PAX5: variants seen among roughly 807,000 people sequenced by gnomAD.
The protein encoded by PAX5 is paired box 5, also known as paired box protein Pax-5.
In PAX5, 9 loss-of-function variants were observed where a neutral mutation model predicts 43.7. That is an observed-to-expected ratio of 0.21 (90% CI 0.12 to 0.36). PAX5 has a LOEUF of 0.36. Ranked by LOEUF, PAX5 falls within the 10% of genes least tolerant of loss-of-function variation. The pLI, the probability that PAX5 is intolerant of heterozygous loss-of-function variation, is 1.00. For synonymous variants in PAX5, 228 were observed against 214.3 expected (o/e 1.06, Z -0.56); for missense variants, 383 against 532.7 (o/e 0.72, Z 2.77).
chr9:36,992,372 T>A (rs10973158), intron 5 of PAX5, among the ~76,000 whole-genome samples: 70,586 of 152,074 alleles, frequency 0.46, 16,785 homozygotes, highest in East Asian at 0.67. Flanking sequence ...GGTCTCCAGG[T>A]GGCTGCAGGC....
chr9:36,839,877 A>G lies in PAX5; in HGVS notation c.*683T>C, dbSNP rs1821902334. 1 of 233,988 alleles carries G rather than the reference A, an allele frequency of 4.3e-6. No homozygotes were observed. The highest frequency in any genetic ancestry group is 5.6e-5 in the Admixed American group (1 of 17,950). 14.5% of individuals were successfully genotyped at this position (233,988 alleles called of 1,614,324 possible). A position where few individuals can be genotyped will look rare whatever the true frequency, so the allele number is the denominator to read the frequency against. On this transcript the variant is annotated 3_prime_UTR_variant, in exon 10 of 10. Coordinates refer to ENST00000358127, the MANE Select transcript of PAX5 (RefSeq NM_016734.3). ...GGCAGGAAACCAGGACATCTCCCCA[A>G]AGTGTGCTCCTCTTGGAGAGGGGCC...
Position 36,882,148 on chromosome 9 carries a change from G to A in PAX5, c.911-43C>T, listed in dbSNP as rs548002046. 9 of 1,479,396 alleles carry A rather than the reference G, an allele frequency of 6.1e-6. No individual in the cohort carries two copies. Among genetic ancestry groups the A allele is most frequent in the African/African-American group, 5.6e-5 (4 of 72,012 alleles). The allele number at this position is 1,479,396 out of a possible 1,614,324, so 91.6% of individuals were successfully genotyped here. On this transcript the variant is annotated intron_variant, in intron 7 of 9. Transcript: ENST00000358127. The surrounding 1 kb of genome is among the most constrained non-coding windows in gnomAD (Gnocchi z 4.4). ...CAAATCACAGGGTGAGCATCTTCGC[G>A]GCCAGCCGCTCATGTCCACAGCTCC...
chr9:36,999,723 C>A (rs994467164), intron 5 of PAX5, among the ~76,000 whole-genome samples: 1 of 152,234 alleles, frequency 6.6e-6, no homozygotes, highest in Non-Finnish European at 1.5e-5. Flanking sequence ...AGAACCCTCA[C>A]AAATCCATGG....
intron 5 of PAX5, among the ~76,000 whole-genome samples, chr9:36,984,270 G>A (rs111366691): frequency 6.6e-6 from 1 of 152,212 alleles, no homozygotes; most frequent in Non-Finnish European, 1.5e-5. Context: ...GACTAAGACT[G>A]GGGTGAGGTG....
rs1270181332 is a variant in PAX5 at position 36,882,210 on chromosome 9, G to T, written c.911-105C>A. The T allele has an allele frequency of 2.4e-6, 2 of 850,120 alleles. No homozygotes were observed. Among genetic ancestry groups the T allele is most frequent in the East Asian group, 2.7e-5 (1 of 36,416 alleles). The allele number at this position is 850,120 out of a possible 1,614,324, so 52.7% of individuals were successfully genotyped here. The stretch of plus-strand genomic sequence containing the variant: ...TGCACATTTGTCACGTTTGGACGCT[G>T]AACGGCAATGTGCCCCCAGCTCCCC... On this transcript the variant is annotated intron_variant, in intron 7 of 9. Coordinates refer to ENST00000358127, the MANE Select transcript of PAX5 (RefSeq NM_016734.3). The surrounding 1 kb of genome is among the most constrained non-coding windows in gnomAD (Gnocchi z 4.4).
chr9:36,936,405 T>A lies in PAX5; in HGVS notation c.781-12921A>T, dbSNP rs182358751. ...GGAAAGTTCCAGGGACAAAGCTCCA[T>A]CTCCAGGTGGCCAAGTTCCACAGGC... On this transcript the variant is annotated intron_variant, in intron 6 of 9. Coordinates refer to ENST00000358127, the MANE Select transcript of PAX5 (RefSeq NM_016734.3). 2.6e-5 allele frequency among the ~76,000 whole-genome samples: 4 copies of A among 152,270 alleles called. No individual in the cohort carries two copies. The East Asian group carries it at 7.7e-4, about 29-fold the overall frequency.
chr9:36,902,617 T>C (rs562446819), intron 7 of PAX5, among the ~76,000 whole-genome samples: 56 of 152,254 alleles, frequency 3.7e-4, no homozygotes, highest in Admixed American at 1.0e-3. Flanking sequence ...GGCTGCAGGA[T>C]CCGAGTGGGG....
At chr9:36,991,003 C>T (rs529218347) in intron 5 of PAX5, among the ~76,000 whole-genome samples, 25 of 151,812 alleles carry the variant, frequency 1.6e-4, no homozygotes, top group Admixed American at 8.5e-4. Context: ...CCAGCTACTC[C>T]GAGGCTGAGC....
At chr9:36,969,419 G>C (rs1834739915) in intron 5 of PAX5, among the ~76,000 whole-genome samples, 1 of 152,250 alleles carries the variant, frequency 6.6e-6, no homozygotes, top group Non-Finnish European at 1.5e-5. Context: ...AGTTCAGAGA[G>C]GGTGGCTCCA....
chr9:36,934,274 A>T (rs955972900), intron 6 of PAX5, among the ~76,000 whole-genome samples: 17 of 152,244 alleles, frequency 1.1e-4, no homozygotes, highest in Middle Eastern at 3.2e-3. Context: ...CAGAAGAGAG[A>T]TCAGAATAAA....
chr9:36,913,409 A>T (rs544960604), intron 7 of PAX5, among the ~76,000 whole-genome samples: 40 of 152,364 alleles, frequency 2.6e-4, no homozygotes, highest in African/African-American at 9.6e-4. Flanking sequence ...GCAAAAGGTC[A>T]GGTGGACCCA....
intron 8 of PAX5, among the ~76,000 whole-genome samples, chr9:36,848,888 C>T (rs1032235674): frequency 2.0e-5 from 3 of 152,220 alleles, no homozygotes; most frequent in Non-Finnish European, 4.4e-5. Flanking sequence ...TTGGCTTTGG[C>T]TCCTGCAAAG....
chr9:37,020,613 A>G, intron 2 of PAX5, 23 bp downstream of exon 2: 1 of 1,612,598 alleles, frequency 6.2e-7, no homozygotes, highest in Non-Finnish European at 8.5e-7. Flanking sequence ...AGATCAAGGG[A>G]AGCCTCGAGC....
intron 7 of PAX5, among the ~76,000 whole-genome samples, chr9:36,887,606 T>TGACTC: frequency 6.6e-6 from 1 of 151,936 alleles, no homozygotes; most frequent in Admixed American, 6.6e-5. Context: ...AACTATGATT[T>TGACTC]GAAACCAGAT....
intron 7 of PAX5, among the ~76,000 whole-genome samples, chr9:36,922,085 C>T (rs1221953815): frequency 6.6e-6 from 1 of 152,310 alleles, no homozygotes; most frequent in East Asian, 1.9e-4. Context: ...CCTGACTGGC[C>T]CTTACGTGGT....
At chr9:36,924,409 G>A (rs1395801345) in intron 6 of PAX5, among the ~76,000 whole-genome samples, 1 of 152,102 alleles carries the variant, frequency 6.6e-6, no homozygotes. Flanking sequence ...CCACCCCAGG[G>A]CCTATTTTCA....
At chr9:36,890,384 C>A (rs1243503080) in intron 7 of PAX5, among the ~76,000 whole-genome samples, 2 of 152,118 alleles carry the variant, frequency 1.3e-5, no homozygotes, top group African/African-American at 4.8e-5. Flanking sequence ...AAGGCCCAAA[C>A]TATAAGGGAA....
intron 7 of PAX5, among the ~76,000 whole-genome samples, chr9:36,903,465 T>C (rs1828565899): frequency 6.6e-6 from 1 of 152,166 alleles, no homozygotes; most frequent in Admixed American, 6.5e-5. Context: ...GGTGGGGAGT[T>C]TCTTGAAGCA....
chr9:36,898,880 T>C (rs1468854865), intron 7 of PAX5, among the ~76,000 whole-genome samples: 1 of 151,738 alleles, frequency 6.6e-6, no homozygotes, highest in Admixed American at 6.6e-5. Flanking sequence ...AGTCTGGGGG[T>C]GTCATCCACA....
Sources: allele counts gnomAD v4.1 joint callset (sites outside exome capture counted in the v4.1 genomes callset), GRCh38; gene constraint gnomAD v4.1.1; non-coding constraint Gnocchi (gnomAD v3.1); transcripts MANE v1.5; gene names NCBI Gene and HGNC (gene_info 2026-07-23, HGNC 2026-07-21).